The following KLHL13 variants were observed in gnomAD, a reference collection of about 807,000 sequenced individuals.
The protein encoded by KLHL13 is kelch-like protein 13.
Under a neutral mutation model 37.1 loss-of-function variants are expected in KLHL13, and 10 were observed. That is an observed-to-expected ratio of 0.27 (90% CI 0.17 to 0.46). The LOEUF (loss-of-function observed/expected upper bound fraction) is 0.46, where lower values mean the gene tolerates loss of function less well. Among genes scored for constraint, KLHL13 ranks in the 20% least tolerant of loss-of-function variants. The pLI, the probability that KLHL13 is intolerant of heterozygous loss-of-function variation, is 1.00. For missense variants in KLHL13, 360 were observed against 509.3 expected, an observed-to-expected ratio of 0.71 and a Z score of 2.82; for synonymous variants, 163 against 181.2, an observed-to-expected ratio of 0.90 and a Z score of 0.81.
intron 1 of KLHL13, 22 bp downstream of exon 2, chrX:118,028,402 T>C (rs1359270676): frequency 1.3e-5 from 13 of 1,028,126 alleles, no homozygotes; most frequent in Non-Finnish European, 1.7e-5. Flanking sequence ...TTATATAAGT[T>C]AAACTATTTC....
At chrX:118,036,356 A>G (rs1039125964) in intron 1 of KLHL13, among the ~76,000 whole-genome samples, 17 of 112,203 alleles carry the variant, frequency 1.5e-4, no homozygotes, top group Non-Finnish European at 2.8e-4. Context: ...CTACAAGGCT[A>G]CAGTCACCAA....
intron 2 of KLHL13, among the ~76,000 whole-genome samples, chrX:117,930,282 A>C (rs868554491): frequency 0.052 from 4,654 of 89,334 alleles, 195 homozygotes; most frequent in African/African-American, 0.13. Flanking sequence ...GGAAGGAAGG[A>C]AGGAAGGAAG....
At chrX:118,074,490 A>G (rs777419511) in intron 1 of KLHL13, among the ~76,000 whole-genome samples, 9 of 111,166 alleles carry the variant, frequency 8.1e-5, no homozygotes, top group Non-Finnish European at 1.7e-4. Flanking sequence ...GGATGTCCCC[A>G]CTCCTTTGGA....
intron 4 of KLHL13, among the ~76,000 whole-genome samples, chrX:117,914,638 G>T (rs1409985061): frequency 9.0e-6 from 1 of 111,702 alleles, no homozygotes; most frequent in African/African-American, 3.3e-5. Flanking sequence ...AGACACTTTG[G>T]TAAGAACAAA....
chrX:118,001,562 G>A (rs1053448900), intron 1 of KLHL13, among the ~76,000 whole-genome samples: 2 of 111,688 alleles, frequency 1.8e-5, no homozygotes, highest in Non-Finnish European at 3.8e-5. Flanking sequence ...GGACAAGATG[G>A]AAGAAAAAGC....
chrX:117,919,276 G>A (rs761610487), intron 4 of KLHL13, among the ~76,000 whole-genome samples: 16 of 111,914 alleles, frequency 1.4e-4, no homozygotes, highest in Admixed American at 2.8e-4. Context: ...TGCCCGCCTC[G>A]GCCTCCCAAA....
intron 1 of KLHL13, among the ~76,000 whole-genome samples, chrX:117,971,500 T>A (rs753351914): frequency 3.8e-5 from 3 of 78,208 alleles, no homozygotes; most frequent in South Asian, 4.3e-4. Context: ...ACTAGCCTAT[T>A]TTTTTTTTTA....
intron 2 of KLHL13, 124 bp downstream of exon 3, chrX:117,945,310 C>T: frequency 1.6e-6 from 1 of 629,122 alleles, no homozygotes; most frequent in Non-Finnish European, 2.3e-6. Context: ...AAATAGTTAC[C>T]ATACATTTCC....
intron 1 of KLHL13, among the ~76,000 whole-genome samples, chrX:118,030,562 T>C (rs1406916710): frequency 8.9e-6 from 1 of 112,244 alleles, no homozygotes; most frequent in Non-Finnish European, 1.9e-5. Flanking sequence ...AAAAAGAATG[T>C]GTTGGAAACT....
At chrX:118,061,156 A>C (rs889771547) in intron 1 of KLHL13, among the ~76,000 whole-genome samples, 1 of 111,878 alleles carries the variant, frequency 8.9e-6, no homozygotes, top group Non-Finnish European at 1.9e-5. Flanking sequence ...AGTGTTTTTA[A>C]ATCATAAATA....
intron 1 of KLHL13, among the ~76,000 whole-genome samples, chrX:118,063,589 C>G (rs1056996651): frequency 1.8e-5 from 2 of 111,453 alleles, no homozygotes; most frequent in African/African-American, 6.5e-5. Context: ...TAAAGTATGT[C>G]ATGCTATATT....
chrX:117,947,190 A>G (rs1933365394), intron 1 of KLHL13: 1 of 112,032 alleles, frequency 8.9e-6, no homozygotes, highest in East Asian at 2.8e-4. Context: ...TACAGAATCA[A>G]TTGGAAAAGT....
chrX:117,991,662 C>A (rs1048627657), intron 1 of KLHL13, among the ~76,000 whole-genome samples: 3 of 110,648 alleles, frequency 2.7e-5, no homozygotes, highest in Non-Finnish European at 3.8e-5. Flanking sequence ...ACCACCATAC[C>A]CAGAACTGCT....
intron 1 of KLHL13, among the ~76,000 whole-genome samples, chrX:117,994,074 T>C (rs980727960): frequency 3.1e-4 from 35 of 111,926 alleles, no homozygotes; most frequent in African/African-American, 8.8e-4. Context: ...CTGTTTCTAA[T>C]TTCAAAAGCA....
upstream of KLHL13, chrX:117,973,923 A>C: frequency 8.3e-6 from 1 of 120,629 alleles, no homozygotes; most frequent in Non-Finnish European, 1.6e-5. Flanking sequence ...GACCACTCCA[A>C]AGCTCAACAG....
At chrX:118,099,584 T>C (rs1347445858) in intron 1 of KLHL13, among the ~76,000 whole-genome samples, 1 of 110,819 alleles carries the variant, frequency 9.0e-6, no homozygotes, top group Non-Finnish European at 1.9e-5. Flanking sequence ...CCAAGGCAGC[T>C]GGATCAATTG....
At chrX:117,974,662 G>A (rs1393056641), upstream of KLHL13, among the ~76,000 whole-genome samples, 1 of 111,107 alleles carries the variant, frequency 9.0e-6, no homozygotes, top group Non-Finnish European at 1.9e-5. Context: ...CCAATATCAA[G>A]GCAAAAAGAC....
intron 2 of KLHL13, among the ~76,000 whole-genome samples, chrX:117,922,455 G>A (rs1041359372): frequency 2.7e-5 from 3 of 111,455 alleles, no homozygotes; most frequent in African/African-American, 6.5e-5. Context: ...TTCCATTAAC[G>A]CATGAACAAA....
intron 1 of KLHL13, among the ~76,000 whole-genome samples, chrX:117,989,342 G>C (rs1000338554): frequency 1.8e-5 from 2 of 110,727 alleles, no homozygotes; most frequent in Non-Finnish European, 3.8e-5. Context: ...GCCGCTGAGA[G>C]AAGTGGAAAA....
Sources: allele counts gnomAD v4.1 joint callset (sites outside exome capture counted in the v4.1 genomes callset), GRCh38; gene constraint gnomAD v4.1.1; transcripts MANE v1.5; gene names NCBI Gene and HGNC (gene_info 2026-07-23, HGNC 2026-07-21).